BNC2: variants seen among roughly 807,000 people sequenced by gnomAD.
BNC2 encodes zinc finger protein basonuclin-2.
In BNC2, 20 loss-of-function variants were observed where a neutral mutation model predicts 76.3. The ratio of observed to expected loss-of-function variants is 0.26; its 90% CI spans 0.18 to 0.38. BNC2 has a LOEUF of 0.38. Among genes scored for constraint, BNC2 ranks in the 10% least tolerant of loss-of-function variants. The pLI, the probability that BNC2 is intolerant of heterozygous loss-of-function variation, is 1.00. For missense variants in BNC2, 1,382 were observed against 1,399.8 expected (o/e 0.99, Z 0.20); for synonymous variants, 582 against 514.8 (o/e 1.13, Z -1.77).
chr9:16,805,644 C>G (rs1024345077), intron 1 of BNC2, among the ~76,000 whole-genome samples: 16 of 151,936 alleles, frequency 1.1e-4, no homozygotes, highest in African/African-American at 3.9e-4. Flanking sequence ...TCATTTTAAA[C>G]TACATGGAAA....
At chr9:16,815,793 G>A (rs996318252) in intron 1 of BNC2, among the ~76,000 whole-genome samples, 1 of 152,170 alleles carries the variant, frequency 6.6e-6, no homozygotes, top group Non-Finnish European at 1.5e-5. Context: ...TAAATAGTTA[G>A]TGGTTAGCAA....
chr9:16,442,156 G>A (rs1193223593), intron 5 of BNC2, among the ~76,000 whole-genome samples: 1 of 152,166 alleles, frequency 6.6e-6, no homozygotes, highest in African/African-American at 2.4e-5. Context: ...GATTTACCCT[G>A]TTAAGTTAAA....
At chr9:16,431,305 AGGCTTCCCTTC>A in intron 6 of BNC2, 1 of 249,044 alleles carries the variant, frequency 4.0e-6, no homozygotes, top group East Asian at 1.0e-4. Context: ...ACTTATAAAT[AGGCTTCCCTTC>A]AAAATGGGTG....
At chr9:16,696,402 C>T (rs145719839) in intron 3 of BNC2, among the ~76,000 whole-genome samples, 2 of 152,242 alleles carry the variant, frequency 1.3e-5, no homozygotes, top group African/African-American at 4.8e-5. Flanking sequence ...TCTCATGCTG[C>T]TCTTTTTGGA....
intron 1 of BNC2, among the ~76,000 whole-genome samples, chr9:16,795,311 G>A (rs150793994): frequency 4.7e-4 from 71 of 151,442 alleles, no homozygotes; most frequent in Admixed American, 3.7e-3. Context: ...GTCCAGAGAC[G>A]CCCAATCTGC....
chr9:16,461,633 G>T (rs892767555), intron 5 of BNC2, among the ~76,000 whole-genome samples: 1 of 151,966 alleles, frequency 6.6e-6, no homozygotes, highest in African/African-American at 2.4e-5. Flanking sequence ...GAGGTTTCGG[G>T]TATCACAGGT....
At chr9:16,715,161 C>T (rs1823961680) in intron 3 of BNC2, among the ~76,000 whole-genome samples, 1 of 152,200 alleles carries the variant, frequency 6.6e-6, no homozygotes, top group Non-Finnish European at 1.5e-5. Flanking sequence ...ACATCAATTA[C>T]TTACACAAAT....
At chr9:16,496,483 T>C (rs931675362) in intron 5 of BNC2, among the ~76,000 whole-genome samples, 2 of 152,178 alleles carry the variant, frequency 1.3e-5, no homozygotes, top group Non-Finnish European at 2.9e-5. Context: ...TTAAGCACAA[T>C]TACCTTAATG....
At chr9:16,514,316 A>G (rs952579549) in intron 5 of BNC2, among the ~76,000 whole-genome samples, 5 of 152,206 alleles carry the variant, frequency 3.3e-5, no homozygotes, top group Non-Finnish European at 5.9e-5. Flanking sequence ...CTACCATTCA[A>G]AGAGGATAGC....
chr9:16,520,024 T>C (rs1263951042), intron 5 of BNC2, among the ~76,000 whole-genome samples: 1 of 152,208 alleles, frequency 6.6e-6, no homozygotes, highest in Non-Finnish European at 1.5e-5. Flanking sequence ...AGAATCCTTC[T>C]TGAGAAACTC....
At chr9:16,853,771 G>C (rs1586937609) in intron 1 of BNC2, among the ~76,000 whole-genome samples, 1 of 152,062 alleles carries the variant, frequency 6.6e-6, no homozygotes, top group Non-Finnish European at 1.5e-5. Flanking sequence ...GGGAGGGTGA[G>C]GCAGGAGAAC....
intron 1 of BNC2, among the ~76,000 whole-genome samples, chr9:16,847,348 C>A (rs1269799605): frequency 7.7e-6 from 1 of 129,282 alleles, no homozygotes; most frequent in Non-Finnish European, 1.5e-5. Flanking sequence ...ACCTTTTTTA[C>A]ACTTTAAGTA....
intron 3 of BNC2, among the ~76,000 whole-genome samples, chr9:16,682,441 T>G (rs1284867773): frequency 2.6e-5 from 4 of 151,946 alleles, no homozygotes; most frequent in African/African-American, 9.7e-5. Flanking sequence ...GCAGGTTGTT[T>G]AATAACCTGG....
At chr9:16,551,045 C>A (rs1407547651) in intron 5 of BNC2, among the ~76,000 whole-genome samples, 1 of 152,114 alleles carries the variant, frequency 6.6e-6, no homozygotes, top group African/African-American at 2.4e-5. Flanking sequence ...CCCTCATGCC[C>A]CCTGACCGTC....
rs1820989398 is a variant in BNC2, at chr9:16,435,531, A to T, written c.2639+24T>A. The T allele has an allele frequency of 1.9e-6, 3 of 1,612,532 alleles. No individual in the cohort carries two copies. The Admixed American group carries it at 5.0e-5, about 27-fold the overall frequency. On this transcript the variant is annotated intron_variant, in intron 6 of 6. Transcript: ENST00000380672. Reference sequence around the variant, plus strand: ...ACTGGCACCCTCCACCCCCAGCAGGAGCAGCCAATGGAGATTTACTGACCT... The same window carrying T: ...ACTGGCACCCTCCACCCCCAGCAGGTGCAGCCAATGGAGATTTACTGACCT...
At chr9:16,839,173 C>A (rs1045894349) in intron 1 of BNC2, among the ~76,000 whole-genome samples, 2 of 152,298 alleles carry the variant, frequency 1.3e-5, no homozygotes, top group South Asian at 4.1e-4. Flanking sequence ...CTTAAGGATT[C>A]TTTTCCTTAA....
intron 4 of BNC2, among the ~76,000 whole-genome samples, chr9:16,568,771 A>C (rs1448247887): frequency 1.3e-5 from 2 of 152,180 alleles, no homozygotes; most frequent in Non-Finnish European, 2.9e-5. Context: ...TTTTTAGTGA[A>C]TCAGGAGATC....
intron 3 of BNC2, among the ~76,000 whole-genome samples, chr9:16,633,894 G>A (rs1587257583): frequency 6.6e-6 from 1 of 152,150 alleles, no homozygotes; most frequent in Non-Finnish European, 1.5e-5. Context: ...ATTTCAGTGG[G>A]TGCCAAATAT....
At chr9:16,493,541 C>T (rs756773769) in intron 5 of BNC2, among the ~76,000 whole-genome samples, 24 of 152,170 alleles carry the variant, frequency 1.6e-4, no homozygotes, top group Non-Finnish European at 3.4e-4. Context: ...TCTTCCAGTT[C>T]TATGCTGGCC....
Sources: allele counts gnomAD v4.1 joint callset (sites outside exome capture counted in the v4.1 genomes callset), GRCh38; gene constraint gnomAD v4.1.1; transcripts MANE v1.5; gene names NCBI Gene and HGNC (gene_info 2026-07-23, HGNC 2026-07-21).